PABPC4L: variants seen among roughly 807,000 people sequenced by gnomAD.
The protein encoded by PABPC4L is polyadenylate-binding protein 4-like.
For synonymous variants in PABPC4L, 169 were observed against 164.1 expected (o/e 1.03, Z -0.23); for missense variants, 452 against 451.4 (o/e 1.00, Z -0.01).
the PABPC4L span, among the ~76,000 whole-genome samples, chr4:134,167,998 T>A: frequency 6.6e-6 from 1 of 152,030 alleles, no homozygotes; most frequent in Non-Finnish European, 1.5e-5. Flanking sequence ...ATTCTTCTCC[T>A]CAGCACATGA....
rs1388006874 is a variant in PABPC4L, at chr4:134,196,408, A to G, written c.*3499T>C. On this transcript the variant is annotated 3_prime_UTR_variant, in exon 2 of 2. Transcript: ENST00000421491. ...TAACAATATTGAGAACATGAAAATG[A>G]CAATATTAAATCACTTTAAAATTTT... 6.6e-6 allele frequency: 1 copy of G among 151,806 alleles called. No homozygotes were observed. Among genetic ancestry groups the G allele is most frequent in the East Asian group, 1.9e-4 (1 of 5,206 alleles). 9.4% of individuals were successfully genotyped at this position (151,806 alleles called of 1,614,324 possible). A position where few individuals can be genotyped will look rare whatever the true frequency, so the allele number is the denominator to read the frequency against.
At chr4:134,050,706 C>CCAAAAAAA in the PABPC4L span, among the ~76,000 whole-genome samples, 1 of 83,018 alleles carries the variant, frequency 1.2e-5, no homozygotes, top group African/African-American at 5.3e-5. Context: ...CACCGTCTCC[C>CCAAAAAAA]AAAAAAAAAA....
chr4:134,025,330 A>G, the PABPC4L span, among the ~76,000 whole-genome samples: 3 of 146,466 alleles, frequency 2.0e-5, no homozygotes, highest in African/African-American at 7.6e-5. Context: ...AAAAAAAAAA[A>G]GAGTGCTGTG....
chr4:134,086,440 C>G, the PABPC4L span, among the ~76,000 whole-genome samples: 2 of 152,128 alleles, frequency 1.3e-5, no homozygotes, highest in African/African-American at 4.8e-5. Flanking sequence ...CCTTGAGAGT[C>G]TGGACCACAG....
At chr4:134,035,359 A>G in the PABPC4L span, among the ~76,000 whole-genome samples, 1 of 152,002 alleles carries the variant, frequency 6.6e-6, no homozygotes, top group African/African-American at 2.4e-5. Context: ...ATGCCTCCAT[A>G]TTAATTTTAA....
At chr4:134,123,595 A>ATAGACTG in the PABPC4L span, among the ~76,000 whole-genome samples, 1 of 152,078 alleles carries the variant, frequency 6.6e-6, no homozygotes, top group African/African-American at 2.4e-5. Flanking sequence ...AATAATCAGA[A>ATAGACTG]TAGACTGTAG....
the PABPC4L span, among the ~76,000 whole-genome samples, chr4:134,101,892 T>C: frequency 9.9e-5 from 15 of 151,526 alleles, no homozygotes; most frequent in African/African-American, 3.6e-4. Context: ...ATATACAAAA[T>C]AGCATATGTT....
chr4:134,173,807 C>CA, the PABPC4L span, among the ~76,000 whole-genome samples: 1 of 152,008 alleles, frequency 6.6e-6, no homozygotes, highest in Non-Finnish European at 1.5e-5. Flanking sequence ...ATGCTTGTAT[C>CA]AAAATATCAC....
chr4:134,076,417 C>T, the PABPC4L span, among the ~76,000 whole-genome samples: 1 of 151,984 alleles, frequency 6.6e-6, no homozygotes, highest in African/African-American at 2.4e-5. Flanking sequence ...ATAGGTGAAG[C>T]CGAAGTAGGG....
the PABPC4L span, among the ~76,000 whole-genome samples, chr4:134,006,818 G>A: frequency 6.6e-6 from 1 of 151,696 alleles, no homozygotes; most frequent in African/African-American, 2.4e-5. Flanking sequence ...AACTCGTATG[G>A]AGAAATTTTA....
chr4:133,962,869 C>A, the PABPC4L span, among the ~76,000 whole-genome samples: 1 of 152,160 alleles, frequency 6.6e-6, no homozygotes, highest in African/African-American at 2.4e-5. Context: ...AATCTTGAAA[C>A]AAATCCTGGA....
the PABPC4L span, among the ~76,000 whole-genome samples, chr4:134,039,861 A>C: frequency 6.6e-6 from 1 of 152,072 alleles, no homozygotes; most frequent in Non-Finnish European, 1.5e-5. Flanking sequence ...AAGCAACTTC[A>C]GCAAAGTCTC....
chr4:133,979,809 T>C, the PABPC4L span, among the ~76,000 whole-genome samples: 1 of 152,196 alleles, frequency 6.6e-6, no homozygotes, highest in Non-Finnish European at 1.5e-5. Flanking sequence ...ATATTAATTT[T>C]GGCATGAATT....
the PABPC4L span, among the ~76,000 whole-genome samples, chr4:134,108,894 T>A: frequency 6.6e-5 from 10 of 151,958 alleles, no homozygotes; most frequent in African/African-American, 2.4e-4. Flanking sequence ...TTTAATTGCC[T>A]AATAATGTGT....
chr4:134,145,032 A>G, the PABPC4L span, among the ~76,000 whole-genome samples: 1 of 151,746 alleles, frequency 6.6e-6, no homozygotes, highest in Admixed American at 6.6e-5. Flanking sequence ...TTTCTATAGT[A>G]CGTTCAAGTG....
chr4:134,007,234 A>G, the PABPC4L span, among the ~76,000 whole-genome samples: 8 of 151,826 alleles, frequency 5.3e-5, no homozygotes, highest in African/African-American at 1.9e-4. Context: ...TATTTACTAT[A>G]TTTAGACATT....
At chr4:134,186,747 G>T in the PABPC4L span, among the ~76,000 whole-genome samples, 1 of 152,084 alleles carries the variant, frequency 6.6e-6, no homozygotes, top group Non-Finnish European at 1.5e-5. Flanking sequence ...CCATCAGCGT[G>T]AACAGGCAAC....
chr4:134,047,037 A>T, the PABPC4L span, among the ~76,000 whole-genome samples: 1 of 152,218 alleles, frequency 6.6e-6, no homozygotes, highest in East Asian at 1.9e-4. Flanking sequence ...TGACAGAATT[A>T]AAGGCAGAGT....
chr4:134,022,395 C>A, the PABPC4L span, among the ~76,000 whole-genome samples: 1 of 152,052 alleles, frequency 6.6e-6, no homozygotes, highest in Admixed American at 6.6e-5. Flanking sequence ...GAGGCAAAGA[C>A]GTTACGAATA....
Sources: gnomAD v4.1 joint callset for allele counts (sites outside exome capture counted in the v4.1 genomes callset) on GRCh38, gnomAD v4.1.1 for gene constraint, MANE v1.5 for transcripts, NCBI Gene and HGNC (gene_info 2026-07-23, HGNC 2026-07-21) for gene names.